The following CSMD2 variants were observed in gnomAD, a reference collection of about 807,000 sequenced individuals.
The protein encoded by CSMD2 is CUB and Sushi multiple domains 2.
Under a neutral mutation model 398.5 loss-of-function variants are expected in CSMD2, and 130 were observed. The observed-to-expected ratio is 0.33, with a 90% CI of 0.28 to 0.38. The LOEUF (loss-of-function observed/expected upper bound fraction) is 0.38. CSMD2 is among the 10% of genes least tolerant of loss of function. CSMD2 has a pLI of 1.00. For missense variants in CSMD2, 3,829 were observed against 4,764.9 expected, an observed-to-expected ratio of 0.80 and a Z score of 5.78; for synonymous variants, 1,828 against 1,908.5, an observed-to-expected ratio of 0.96 and a Z score of 1.10.
intron 5 of CSMD2, among the ~76,000 whole-genome samples, chr1:33,887,643 T>G (rs1169310038): frequency 1.3e-5 from 2 of 152,202 alleles, no homozygotes; most frequent in African/African-American, 4.8e-5. Context: ...AATTTTGCTG[T>G]TTTTATTGAT....
At position 34,110,014 on chromosome 1, in the gene CSMD2, C is replaced by G. The variant is rs1390577929; in HGVS notation, c.188-20821G>C. Among the ~76,000 whole-genome samples, 5 of 113,070 alleles carry G rather than the reference C, an allele frequency of 4.4e-5. No homozygotes were observed. In the Admixed American group the frequency reaches 5.6e-4, roughly 13 times the overall value. The allele number at this position is 113,070 out of a possible 152,430, so 74.2% of individuals were successfully genotyped here. A position where few individuals can be genotyped will look rare whatever the true frequency, so the allele number is the denominator to read the frequency against. Reference sequence around the variant, plus strand: ...CGAGATGGCGCCACTGCACTCCAGCCTGGGTGACAGAACGAGACTCTGTCT... The same window carrying G: ...CGAGATGGCGCCACTGCACTCCAGCGTGGGTGACAGAACGAGACTCTGTCT... On this transcript the variant is annotated intron_variant, in intron 1 of 70. Transcript: ENST00000373381.
intron 3 of CSMD2, among the ~76,000 whole-genome samples, chr1:34,015,635 G>A (rs1225709051): frequency 6.6e-6 from 1 of 152,288 alleles, no homozygotes; most frequent in Non-Finnish European, 1.5e-5. Context: ...CAACAGGAGG[G>A]CCACAGGCCT....
intron 49 of CSMD2, among the ~76,000 whole-genome samples, chr1:33,573,596 T>G (rs902020750): frequency 2.0e-5 from 3 of 149,806 alleles, no homozygotes; most frequent in Admixed American, 6.7e-5. Flanking sequence ...GGATTAGAGA[T>G]GAAAAGTAAA....
chr1:33,894,953 A>G (rs1395821671), intron 5 of CSMD2, among the ~76,000 whole-genome samples: 1 of 152,128 alleles, frequency 6.6e-6, no homozygotes, highest in Non-Finnish European at 1.5e-5. Context: ...ACTTCTGTGG[A>G]GAAGAGGTGC....
intron 3 of CSMD2, among the ~76,000 whole-genome samples, chr1:33,957,652 AC>A (rs1177221024): frequency 6.6e-6 from 1 of 152,186 alleles, no homozygotes; most frequent in Non-Finnish European, 1.5e-5. Flanking sequence ...AAGATTGCTG[AC>A]ATGAGAAGGT....
intron 22 of CSMD2, among the ~76,000 whole-genome samples, chr1:33,704,036 TTTAGTTACATC>T (rs1208215628): frequency 6.6e-6 from 1 of 152,198 alleles, no homozygotes; most frequent in Non-Finnish European, 1.5e-5. Flanking sequence ...CTGCATTTAT[TTTAGTTACATC>T]AATATCAAAA....
chr1:33,575,404 C>T (rs1387864831), intron 49 of CSMD2, among the ~76,000 whole-genome samples: 6 of 152,162 alleles, frequency 3.9e-5, no homozygotes, highest in African/African-American at 1.4e-4. Flanking sequence ...CCACAGCATA[C>T]GTGCTCTCAG....
At chr1:33,522,252 A>G (rs948101121) in intron 67 of CSMD2, among the ~76,000 whole-genome samples, 7 of 152,116 alleles carry the variant, frequency 4.6e-5, no homozygotes, top group African/African-American at 1.7e-4. Flanking sequence ...TGTCCCCGCA[A>G]ACACACCTTG....
intron 1 of CSMD2, among the ~76,000 whole-genome samples, chr1:34,098,953 A>G (rs1413800527): frequency 1.3e-5 from 2 of 152,218 alleles, no homozygotes; most frequent in Admixed American, 1.3e-4. Context: ...GTTAGGAGAA[A>G]AGTAATATGG....
Position 33,929,432 on chromosome 1 carries a change from C to CTTTTTTTTTTTTTTTTT in CSMD2, c.712+6311_712+6327dup, listed in dbSNP as rs936900076. 5.2e-4 allele frequency among the ~76,000 whole-genome samples: 52 copies of CTTTTTTTTTTTTTTTTT among 100,662 alleles called. 10 individuals are homozygous for CTTTTTTTTTTTTTTTTT. Among genetic ancestry groups the CTTTTTTTTTTTTTTTTT allele is most frequent in the African/African-American group, 2.1e-3 (47 of 22,546 alleles). 66.0% of individuals were successfully genotyped at this position (100,662 alleles called of 152,430 possible). On this transcript the variant is annotated intron_variant, in intron 4 of 70. Coordinates refer to ENST00000373381, the MANE Select transcript of CSMD2 (RefSeq NM_001281956.2). ...TCCTGAACTCAGAACCAAGCCTATA[C>CTTTTTTTTTTTTTTTTT]TTTTTTTTTTTTTTTTTTTTTTTGA...
In CSMD2 at chr1:34,103,689, T is replaced by A. The variant is rs1330734045; in HGVS notation, c.188-14496A>T. Among the ~76,000 whole-genome samples the A allele has an allele frequency of 5.9e-5, 9 of 152,254 alleles. No individual in the cohort carries two copies. In the South Asian group the frequency reaches 1.9e-3, roughly 32 times the overall value. On this transcript the variant is annotated intron_variant, in intron 1 of 70. Coordinates refer to ENST00000373381, the MANE Select transcript of CSMD2 (RefSeq NM_001281956.2). ...ACACATTTTTAAATGAATGAGTGAG[T>A]GAAATGAATTAATCTTTTGTATTAG...
At chr1:33,564,746 T>C (rs1324668990) in intron 53 of CSMD2, among the ~76,000 whole-genome samples, 2 of 152,182 alleles carry the variant, frequency 1.3e-5, no homozygotes, top group Non-Finnish European at 2.9e-5. Context: ...TTAAGACTAA[T>C]TTCAGGCATT....
chr1:33,785,280 T>C (rs113237067), intron 12 of CSMD2, among the ~76,000 whole-genome samples: 14 of 152,382 alleles, frequency 9.2e-5, no homozygotes, highest in African/African-American at 2.9e-4. Flanking sequence ...TCTGGTGACA[T>C]GGAATCCAGG....
intron 3 of CSMD2, among the ~76,000 whole-genome samples, chr1:33,955,366 G>T (rs1488266449): frequency 6.6e-6 from 1 of 152,186 alleles, no homozygotes; most frequent in Admixed American, 6.5e-5. Flanking sequence ...GCATCCTGGG[G>T]CCTGTGCAGA....
intron 27 of CSMD2, among the ~76,000 whole-genome samples, chr1:33,654,124 T>A (rs1643882090): frequency 6.6e-6 from 1 of 152,154 alleles, no homozygotes; most frequent in South Asian, 2.1e-4. Flanking sequence ...TGGTCATGAG[T>A]AGTCTGCTTT....
intron 13 of CSMD2, among the ~76,000 whole-genome samples, chr1:33,746,951 G>C (rs58101699): frequency 0.33 from 49,558 of 152,072 alleles, 10,159 homozygotes; most frequent in African/African-American, 0.58. Flanking sequence ...CTGTAACCCT[G>C]CATGTATTTA....
intron 4 of CSMD2, among the ~76,000 whole-genome samples, chr1:33,927,036 C>T (rs984690977): frequency 6.6e-6 from 1 of 152,196 alleles, no homozygotes; most frequent in African/African-American, 2.4e-5. Context: ...CCCAGGACCC[C>T]TCAGCCTCTG....
chr1:34,088,554 G>A (rs1034391080), intron 2 of CSMD2, among the ~76,000 whole-genome samples: 1 of 152,188 alleles, frequency 6.6e-6, no homozygotes, highest in Admixed American at 6.5e-5. Flanking sequence ...CAAGGCCTTG[G>A]AAATGCAAAG....
At chr1:34,077,943 T>C (rs1656622861) in intron 2 of CSMD2, among the ~76,000 whole-genome samples, 1 of 152,092 alleles carries the variant, frequency 6.6e-6, no homozygotes, top group Non-Finnish European at 1.5e-5. Context: ...TAAAATAAAA[T>C]AATTTTTTAA....
Sources: allele counts gnomAD v4.1 joint callset (sites outside exome capture counted in the v4.1 genomes callset), GRCh38; gene constraint gnomAD v4.1.1; transcripts MANE v1.5; gene names NCBI Gene and HGNC (gene_info 2026-07-23, HGNC 2026-07-21).